GPATCH1: variants seen among roughly 807,000 people sequenced by gnomAD.
GPATCH1 encodes the protein G patch domain-containing protein 1.
In GPATCH1, 73 loss-of-function variants were observed where a neutral mutation model predicts 114.9. That is an observed-to-expected ratio of 0.64 (90% CI 0.53 to 0.77). The LOEUF (loss-of-function observed/expected upper bound fraction) is 0.77. Among genes scored for constraint, GPATCH1 ranks in the 30% least tolerant of loss-of-function variants. The pLI, the probability that GPATCH1 is intolerant of heterozygous loss-of-function variation, is 0.00. For missense variants in GPATCH1, 1,058 were observed against 1,144.3 expected (o/e 0.92, Z 1.09); for synonymous variants, 391 against 428.4 (o/e 0.91, Z 1.08).
chr19:33,081,349 T>C, intron 1 of GPATCH1, 83 bp downstream of exon 1: 2 of 1,150,322 alleles, frequency 1.7e-6, no homozygotes, highest in East Asian at 2.6e-5. Flanking sequence ...AAGTCGGTGC[T>C]GGACCATTGT....
At chr19:33,105,552 C>T (rs1372547103) in intron 9 of GPATCH1, among the ~76,000 whole-genome samples, 1 of 151,734 alleles carries the variant, frequency 6.6e-6, no homozygotes, top group African/African-American at 2.4e-5. Context: ...GAGATGGAGT[C>T]TCACTCTGTC....
At chr19:33,093,169 CAA>C (rs1401953884) in intron 3 of GPATCH1, among the ~76,000 whole-genome samples, 188 bp from the exon 4 acceptor site, 3 of 151,964 alleles carry the variant, frequency 2.0e-5, no homozygotes, top group Non-Finnish European at 4.4e-5. Context: ...GCCTGGGCAA[CAA>C]GAGAGAAACT....
intron 10 of GPATCH1, 58 bp from the exon 11 acceptor site, chr19:33,109,659 C>A: frequency 1.8e-6 from 2 of 1,108,100 alleles, no homozygotes; most frequent in Non-Finnish European, 1.3e-6. Context: ...TACAGAGAAA[C>A]GTAAATGTGG....
chr19:33,114,798 T>C (rs1486687743), intron 15 of GPATCH1, among the ~76,000 whole-genome samples: 1 of 69,824 alleles, frequency 1.4e-5, no homozygotes, highest in Non-Finnish European at 2.7e-5. Context: ...TATTTCTCTC[T>C]TTTTTTTTTT....
intron 1 of GPATCH1, among the ~76,000 whole-genome samples, chr19:33,084,608 T>C (rs1972515253): frequency 6.6e-6 from 1 of 151,794 alleles, no homozygotes; most frequent in African/African-American, 2.4e-5. Context: ...GCTCATTCCT[T>C]GGCCTCCCGT....
rs775093525 is a variant in GPATCH1 at position 33,113,902 on chromosome 19, C to A, written c.2028C>A (p.Asp676Glu). Residue 676 changes from aspartate to glutamate, a missense_variant and splice_region_variant, in exon 14 of 20, where the codon GAC becomes GAA. Physicochemically the swap from Asp to Glu is conservative, Grantham distance 45 (BLOSUM62 2). Around this residue, in one of 3 missense-constraint regions of GPATCH1, gnomAD observed 893 missense variants for 977.4 expected, o/e 0.91. Coordinates refer to ENST00000170564, the MANE Select transcript of GPATCH1 (RefSeq NM_018025.3). ...SEKVSQHRGPDKSRKPSRWDT... is the reference protein window; with the variant it reads ...SEKVSQHRGPEKSRKPSRWDT... Reference sequence around the variant, plus strand: ...AAGTATCACAGCACCGAGGTCCCGACAGTGAGTAGGGCGTCCCCGGGGTCT... The same window carrying A: ...AAGTATCACAGCACCGAGGTCCCGAAAGTGAGTAGGGCGTCCCCGGGGTCT... The A allele has an allele frequency of 6.2e-7, 1 of 1,613,938 alleles. No individual in the cohort carries two copies. Among genetic ancestry groups the A allele is most frequent in the East Asian group, 2.2e-5 (1 of 44,880 alleles).
At chr19:33,126,505 G>T in intron 18 of GPATCH1, 83 bp from the exon 19 acceptor site, 1 of 1,580,178 alleles carries the variant, frequency 6.3e-7, no homozygotes, top group Non-Finnish European at 8.5e-7. Context: ...CTCCATCACT[G>T]CAGCCTTGTT....
intron 17 of GPATCH1, among the ~76,000 whole-genome samples, chr19:33,124,792 G>C (rs781014939): frequency 6.6e-6 from 1 of 152,174 alleles, no homozygotes; most frequent in Non-Finnish European, 1.5e-5. Flanking sequence ...GATGATGTTG[G>C]ATTACAAAAG....
intron 11 of GPATCH1, among the ~76,000 whole-genome samples, chr19:33,110,977 T>C (rs1285092449): frequency 1.3e-5 from 2 of 148,866 alleles, no homozygotes; most frequent in Non-Finnish European, 3.0e-5. Context: ...AAGATATATA[T>C]GTATATATAA....
chr19:33,097,787 T>C lies in GPATCH1; in HGVS notation c.885T>C (p.Asp295=), dbSNP rs1476056668. ...AFGVGALEEE[D]DDIYATETLS... Reference sequence around the variant, plus strand: ...GTGTAGGTGCCCTGGAAGAGGAAGATGATGATATCTATGCCACAGAAACTC... The same window carrying C: ...GTGTAGGTGCCCTGGAAGAGGAAGACGATGATATCTATGCCACAGAAACTC... Residue 295 remains aspartate, a synonymous_variant, in exon 8 of 20, where the codon GAT becomes GAC. Transcript: ENST00000170564. 1.2e-6 allele frequency: 2 copies of C among 1,613,906 alleles called. No homozygotes were observed. The highest frequency in any genetic ancestry group is 1.3e-5 in the African/African-American group (1 of 74,928).
chr19:33,081,349 T>A (rs1355620932), intron 1 of GPATCH1, 83 bp downstream of exon 1: 2 of 1,150,206 alleles, frequency 1.7e-6, no homozygotes, highest in African/African-American at 3.1e-5. Flanking sequence ...AAGTCGGTGC[T>A]GGACCATTGT....
intron 14 of GPATCH1, 34 bp downstream of exon 14, chr19:33,113,937 C>A: frequency 6.2e-7 from 1 of 1,604,074 alleles, no homozygotes. Context: ...TCTGATTGAC[C>A]AGGGCCTCAA....
At chr19:33,110,907 C>T (rs1972843785) in intron 11 of GPATCH1, among the ~76,000 whole-genome samples, 1 of 150,830 alleles carries the variant, frequency 6.6e-6, no homozygotes, top group Non-Finnish European at 1.5e-5. Context: ...ATCGCTTTAG[C>T]CTAGGAGTTC....
At chr19:33,089,279 A>G (rs1972568643) in intron 2 of GPATCH1, among the ~76,000 whole-genome samples, 2 of 152,194 alleles carry the variant, frequency 1.3e-5, no homozygotes, top group African/African-American at 4.8e-5. Flanking sequence ...TTAAGGAGCC[A>G]GCATGGCGTT....
chr19:33,088,068 C>T, intron 1 of GPATCH1, 66 bp from the exon 2 acceptor site: 2 of 881,706 alleles, frequency 2.3e-6, no homozygotes, highest in Admixed American at 3.1e-5. Flanking sequence ...TGACATTTTC[C>T]CTAAATTTGA....
At chr19:33,109,627 AT>A (rs1196577441) in intron 10 of GPATCH1, 89 bp from the exon 11 acceptor site, 4 of 748,422 alleles carry the variant, frequency 5.3e-6, no homozygotes, top group Non-Finnish European at 8.5e-6. Flanking sequence ...AATTATGTAA[AT>A]TTGTGTTATT....
rs143888864 is a variant in GPATCH1, at chr19:33,097,451, C to G, written c.853-304C>G. On this transcript the variant is annotated intron_variant, in intron 7 of 19. Transcript: ENST00000170564. Reference sequence around the variant, plus strand: ...CTTTCTCCTCTTGGAAGCCACATTTCCACCCCTGCACTGCTGCTTGGCTTT... The same window carrying G: ...CTTTCTCCTCTTGGAAGCCACATTTGCACCCCTGCACTGCTGCTTGGCTTT... Among the ~76,000 whole-genome samples the G allele has an allele frequency of 2.6e-4, 39 of 152,318 alleles. No homozygotes were observed. The East Asian group carries it at 6.8e-3, about 26-fold the overall frequency.
At chr19:33,091,284 G>A (rs891486732) in intron 3 of GPATCH1, among the ~76,000 whole-genome samples, 3 of 151,582 alleles carry the variant, frequency 2.0e-5, no homozygotes, top group Admixed American at 1.3e-4. Context: ...TGTGGTGGCG[G>A]GTGCCTGTAG....
intron 19 of GPATCH1, among the ~76,000 whole-genome samples, chr19:33,126,971 CA>C (rs1973048733): frequency 1.3e-5 from 2 of 151,620 alleles, no homozygotes; most frequent in African/African-American, 4.8e-5. Context: ...AACAAACAAA[CA>C]AACAAAAAAC....
Sources: gnomAD v4.1 joint callset for allele counts (sites outside exome capture counted in the v4.1 genomes callset) on GRCh38, gnomAD v4.1.1 for gene constraint, gnomAD v4.1.1 regional missense constraint, MANE v1.5 for transcripts, NCBI Gene and HGNC (gene_info 2026-07-23, HGNC 2026-07-21) for gene names.